Variants in CCDC171 observed in about 807,000 individuals in gnomAD.
The protein encoded by CCDC171 is coiled-coil domain-containing protein 171.
Under a neutral mutation model 168.2 loss-of-function variants are expected in CCDC171, and 177 were observed. The observed-to-expected ratio is 1.05, with a 90% CI of 0.93 to 1.19. The LOEUF is 1.19. Among genes scored for constraint, CCDC171 ranks in the 50% most tolerant of loss-of-function variants. The pLI, the probability that CCDC171 is intolerant of heterozygous loss-of-function variation, is 0.00. For missense variants in CCDC171, 1,991 were observed against 1,539.0 expected, an observed-to-expected ratio of 1.29 and a Z score of -4.91; for synonymous variants, 687 against 540.8, an observed-to-expected ratio of 1.27 and a Z score of -3.75.
intron 21 of CCDC171, among the ~76,000 whole-genome samples, chr9:15,829,726 C>G (rs1367400023): frequency 6.6e-6 from 1 of 152,056 alleles, no homozygotes; most frequent in Admixed American, 6.6e-5. Context: ...TAAAGACCAG[C>G]CTGGACAACA....
chr9:15,748,335 A>G (rs1055415117), intron 18 of CCDC171, among the ~76,000 whole-genome samples: 1 of 152,200 alleles, frequency 6.6e-6, no homozygotes, highest in Non-Finnish European at 1.5e-5. Context: ...AAAAGACCAA[A>G]TCTGTGTTTG....
intron 1 of CCDC171, among the ~76,000 whole-genome samples, chr9:16,058,328 C>T (rs1224052936): frequency 6.6e-6 from 1 of 152,154 alleles, no homozygotes; most frequent in Non-Finnish European, 1.5e-5. Flanking sequence ...CATCATCCAC[C>T]GTGAGAACAC....
chr9:15,855,802 T>C (rs1390175157), intron 23 of CCDC171, among the ~76,000 whole-genome samples: 1 of 151,934 alleles, frequency 6.6e-6, no homozygotes, highest in Non-Finnish European at 1.5e-5. Flanking sequence ...CCAATTATGT[T>C]TAAAAAATTT....
intron 3 of CCDC171, among the ~76,000 whole-genome samples, chr9:15,574,156 T>G (rs1461022399): frequency 1.3e-5 from 2 of 151,930 alleles, no homozygotes; most frequent in Non-Finnish European, 2.9e-5. Flanking sequence ...TCTTTTTTTT[T>G]TTGAGACAGA....
intron 6 of CCDC171, among the ~76,000 whole-genome samples, chr9:15,594,662 C>A (rs963976584): frequency 6.6e-6 from 1 of 152,086 alleles, no homozygotes; most frequent in Non-Finnish European, 1.5e-5. Flanking sequence ...ATCTAATCCC[C>A]TTTATACATG....
At chr9:15,663,204 T>C (rs566627252) in intron 8 of CCDC171, among the ~76,000 whole-genome samples, 2 of 152,236 alleles carry the variant, frequency 1.3e-5, no homozygotes, top group African/African-American at 4.8e-5. Context: ...GTTTGTTTGT[T>C]TTATTCTAAT....
chr9:15,730,798 T>G (rs955409937), intron 16 of CCDC171, among the ~76,000 whole-genome samples: 11 of 152,060 alleles, frequency 7.2e-5, no homozygotes, highest in Admixed American at 1.3e-4. Flanking sequence ...TTTCATTGTA[T>G]GCAGATTACT....
In CCDC171 at chr9:15,678,744, C is replaced by CT. The variant is rs1218203965; in HGVS notation, c.1077-11dup. 3.8e-6 allele frequency: 6 copies of CT among 1,574,978 alleles called. No homozygotes were observed. The African/African-American group carries it at 6.9e-5, about 18-fold the overall frequency. ...CATGTTTGAAAAACCTGCTCTGACA[C>CT]TTTAACTTTTCAGATTAGAAAAAGA... On this transcript the variant is annotated splice_polypyrimidine_tract_variant and intron_variant, in intron 9 of 25. Transcript: ENST00000380701.
chr9:15,974,808 A>G (rs1012849995), downstream of CCDC171, among the ~76,000 whole-genome samples: 5 of 152,204 alleles, frequency 3.3e-5, no homozygotes, highest in African/African-American at 1.2e-4. Context: ...TTTCATATTT[A>G]TGACATATGC....
At chr9:15,799,166 A>ATATATATATAT (rs2058701375) in intron 21 of CCDC171, among the ~76,000 whole-genome samples, 1 of 130,466 alleles carries the variant, frequency 7.7e-6, no homozygotes, top group Non-Finnish European at 1.6e-5. Context: ...ATATATATAT[A>ATATATATATAT]CCATTTTGAT....
At chr9:15,692,246 C>CACCT (rs374652651) in intron 10 of CCDC171, among the ~76,000 whole-genome samples, 521 of 152,092 alleles carry the variant, frequency 3.4e-3, no homozygotes, top group African/African-American at 0.011. Context: ...CATGGGCACA[C>CACCT]ACCTGTAGTC....
intron 25 of CCDC171, among the ~76,000 whole-genome samples, chr9:15,936,522 G>C (rs1013647861): frequency 3.3e-5 from 5 of 152,106 alleles, no homozygotes; most frequent in Middle Eastern, 3.4e-3. Flanking sequence ...AGGGGACTCA[G>C]CAGAGAGCGA....
intron 11 of CCDC171, among the ~76,000 whole-genome samples, chr9:15,720,797 G>A (rs1262067382): frequency 2.0e-5 from 3 of 152,040 alleles, no homozygotes; most frequent in Admixed American, 6.6e-5. Context: ...CCATTAACTC[G>A]TCATTTACAT....
At chr9:15,992,915 T>A (rs201614951) in intron 3 of CCDC171, among the ~76,000 whole-genome samples, 3 of 151,958 alleles carry the variant, frequency 2.0e-5, no homozygotes, top group Non-Finnish European at 4.4e-5. Flanking sequence ...TCATGGAGAA[T>A]TACAAACCAC....
chr9:15,768,204 A>AC (rs397825161), intron 18 of CCDC171, among the ~76,000 whole-genome samples: 1 of 150,862 alleles, frequency 6.6e-6, no homozygotes, highest in African/African-American at 2.4e-5. Flanking sequence ...AAAAAAAAAA[A>AC]CCCTAAAATT....
At chr9:15,672,539 G>C (rs1423116137) in intron 9 of CCDC171, among the ~76,000 whole-genome samples, 2 of 152,176 alleles carry the variant, frequency 1.3e-5, no homozygotes, top group African/African-American at 4.8e-5. Flanking sequence ...TAAGGTGTAA[G>C]GAAGGGATCC....
At chr9:15,632,912 G>T (rs1008166076) in intron 7 of CCDC171, among the ~76,000 whole-genome samples, 5 of 152,154 alleles carry the variant, frequency 3.3e-5, no homozygotes, top group Non-Finnish European at 7.3e-5. Flanking sequence ...AGAAAAACAA[G>T]CAACGCGGAA....
At chr9:15,570,385 GT>G (rs978878389) in intron 2 of CCDC171, among the ~76,000 whole-genome samples, 8 of 148,670 alleles carry the variant, frequency 5.4e-5, no homozygotes, top group East Asian at 2.0e-4. Flanking sequence ...GACAATGTTA[GT>G]TTTTTTTTTC....
intron 3 of CCDC171, among the ~76,000 whole-genome samples, chr9:16,015,338 T>C (rs1247028365): frequency 6.6e-6 from 1 of 152,208 alleles, no homozygotes; most frequent in East Asian, 1.9e-4. Flanking sequence ...TGAAGTGAGT[T>C]AGTGCCTTGC....
Sources: gnomAD v4.1 joint callset for allele counts (sites outside exome capture counted in the v4.1 genomes callset) on GRCh38, gnomAD v4.1.1 for gene constraint, MANE v1.5 for transcripts, NCBI Gene and HGNC (gene_info 2026-07-23, HGNC 2026-07-21) for gene names.